WASHC5: variants seen among roughly 807,000 people sequenced by gnomAD.
The protein encoded by WASHC5 is WASH complex subunit strumpellin.
In WASHC5, 101 loss-of-function variants were observed where a neutral mutation model predicts 150.4. The observed-to-expected ratio is 0.67, with a 90% CI of 0.57 to 0.79. The LOEUF is 0.79. WASHC5 is among the 30% of genes least tolerant of loss of function. The pLI is 0.00. For synonymous variants in WASHC5, 467 were observed against 491.2 expected (o/e 0.95, Z 0.65); for missense variants, 1,195 against 1,396.3 (o/e 0.86, Z 2.30).
chr8:125,062,228 T>C (rs1003598864), intron 11 of WASHC5, among the ~76,000 whole-genome samples: 4 of 152,148 alleles, frequency 2.6e-5, no homozygotes, highest in African/African-American at 9.7e-5. Context: ...CTTCAGCAAA[T>C]GATTACATTT....
intron 19 of WASHC5, among the ~76,000 whole-genome samples, chr8:125,048,647 T>A (rs192423686): frequency 1.2e-4 from 19 of 152,310 alleles, no homozygotes; most frequent in Admixed American, 8.5e-4. Context: ...CTCAAGAAGT[T>A]AAGCATAGAA....
chr8:125,031,964 G>A (rs1225968799), intron 27 of WASHC5, among the ~76,000 whole-genome samples: 1 of 152,142 alleles, frequency 6.6e-6, no homozygotes, highest in African/African-American at 2.4e-5. Flanking sequence ...GAACAGGGCT[G>A]CACTTTCTTC....
In WASHC5 at chr8:125,037,336, G is replaced by A; in HGVS notation, c.3085-3C>T. The A allele has an allele frequency of 6.5e-7, 1 of 1,546,030 alleles. No homozygotes were observed. The highest frequency in any genetic ancestry group is 1.1e-5 in the South Asian group (1 of 89,694). On this transcript the variant is annotated splice_region_variant and splice_polypyrimidine_tract_variant and intron_variant, in intron 25 of 28. Transcript: ENST00000318410. ...AAGCGCTTTGTTGTTATGTATATCT[G>A]GAAAGAGAAAGGTAAGAAAAATAGA...
intron 1 of WASHC5, among the ~76,000 whole-genome samples, chr8:125,090,733 C>T (rs1817587587): frequency 6.6e-6 from 1 of 152,204 alleles, no homozygotes; most frequent in Admixed American, 6.5e-5. Flanking sequence ...ACAGTTTACC[C>T]TCTTCAGAGG....
chr8:125,083,087 T>A (rs1441979381), intron 3 of WASHC5, 26 bp downstream of exon 3: 10 of 1,386,548 alleles, frequency 7.2e-6, no homozygotes, highest in Non-Finnish European at 1.0e-5. Context: ...ACTACCAGAA[T>A]AAGCTATTCC....
chr8:125,049,337 T>G (rs2130048789), intron 18 of WASHC5, 152 bp from the exon 19 acceptor site: 1 of 796,290 alleles, frequency 1.3e-6, no homozygotes, highest in African/African-American at 1.7e-5. Context: ...GGCAGGAAGA[T>G]CACTTGAGGT....
At chr8:125,046,942 C>T (rs1816084899) in intron 20 of WASHC5, among the ~76,000 whole-genome samples, 1 of 152,110 alleles carries the variant, frequency 6.6e-6, no homozygotes, top group South Asian at 2.1e-4. Context: ...TTTGGGAGGC[C>T]ACTGATCTGA....
At chr8:125,032,715 A>G (rs1277579575) in intron 26 of WASHC5, 3 of 362,222 alleles carry the variant, frequency 8.3e-6, no homozygotes, top group African/African-American at 6.5e-5. Flanking sequence ...GAGAAAAAAA[A>G]TCACTACAAC....
At chr8:125,069,726 T>C (rs1005111101) in intron 9 of WASHC5, among the ~76,000 whole-genome samples, 5 of 152,128 alleles carry the variant, frequency 3.3e-5, no homozygotes, top group African/African-American at 1.2e-4. Flanking sequence ...TTTTCATGAA[T>C]TTGCCAGAAC....
Position 125,028,628 on chromosome 8 carries a change from G to A in WASHC5, c.3415C>T (p.Pro1139Ser). The change falls in exon 28 of 29, where the codon CCC (proline) becomes TCC (serine). Residue 1139 changes from proline (P) to serine (S), a missense_variant. Around this residue, in one of 3 missense-constraint regions of WASHC5, gnomAD observed 997 missense variants for 1,168.1 expected, o/e 0.85. Coordinates refer to ENST00000318410, the MANE Select transcript of WASHC5 (RefSeq NM_014846.4). ...LEDYVRYTKL[P>S]RRVAEAHVPN... ...TACTATCTATCACTTACCCTCCTGG[G>A]TAGCTTTGTGTACCGAACATAATCC... 2 of 1,607,768 alleles carry A rather than the reference G, an allele frequency of 1.2e-6. No homozygotes were observed. Among genetic ancestry groups the A allele is most frequent in the Non-Finnish European group, 1.7e-6 (2 of 1,174,364 alleles).
chr8:125,070,499 G>A (rs1157419098), intron 9 of WASHC5, among the ~76,000 whole-genome samples: 3 of 152,194 alleles, frequency 2.0e-5, no homozygotes, highest in Admixed American at 6.5e-5. Context: ...AGGGCCGTCA[G>A]GCAGAGTCAC....
chr8:125,067,698 C>T lies in WASHC5; in HGVS notation c.1172G>A (p.Arg391His), dbSNP rs754246927. The T allele has an allele frequency of 4.3e-6, 7 of 1,613,586 alleles. No homozygotes were observed. The highest frequency in any genetic ancestry group is 2.2e-5 in the East Asian group (1 of 44,864). Residue 391 changes from arginine (R) to histidine (H), a missense_variant, in exon 10 of 29, where the codon CGC becomes CAC. Physicochemically the swap from Arg to His is conservative, Grantham distance 29. This residue lies in a region of WASHC5 where 997 missense variants were observed against 1,168.1 expected (regional missense o/e 0.85). Transcript: ENST00000318410. ...ADSACDPNNKRLRQIKDQILT... is the reference protein window; with the variant it reads ...ADSACDPNNKHLRQIKDQILT... The stretch of plus-strand genomic sequence containing the variant: ...AATCTGGTCCTTGATTTGACGAAGG[C>T]GTTTGTTGTTTGGGTCACAGGCTAG...
chr8:125,063,478 T>G lies in WASHC5; in HGVS notation c.1408+44A>C, dbSNP rs748550239. 4 of 1,606,506 alleles carry G rather than the reference T, an allele frequency of 2.5e-6. No homozygotes were observed. In the East Asian group the frequency reaches 6.7e-5, roughly 27 times the overall value. ...AGTTTCCAAGGTTTCAAATAACCTG[T>G]GCACACATTCCAAACACACCAGTAT... On this transcript the variant is annotated intron_variant, in intron 11 of 28. Transcript: ENST00000318410.
rs951991246 is a variant in WASHC5 at position 125,056,673 on chromosome 8, G to A, written c.2016+4C>T. ...AAAAGGCAGAAGTCAGAGGGACACA[G>A]CACCTCGTATCGTGGGCCTAGCTGA... On this transcript the variant is annotated splice_donor_region_variant and intron_variant, in intron 16 of 28. Transcript: ENST00000318410. The A allele has an allele frequency of 3.2e-5, 51 of 1,613,922 alleles. No homozygotes were observed. Among genetic ancestry groups the A allele is most frequent in the African/African-American group, 4.0e-5 (3 of 74,898 alleles).
chr8:125,065,446 T>C (rs777516840), intron 10 of WASHC5, among the ~76,000 whole-genome samples: 10 of 152,102 alleles, frequency 6.6e-5, no homozygotes, highest in Non-Finnish European at 1.2e-4. Flanking sequence ...TCTGTTTCAA[T>C]AGATTCCAGA....
At chr8:125,078,142 G>A (rs139084531) in intron 6 of WASHC5, among the ~76,000 whole-genome samples, 86 of 152,252 alleles carry the variant, frequency 5.6e-4, no homozygotes, top group African/African-American at 2.0e-3. Context: ...TTTATTTGGC[G>A]TTTTTTAAAA....
chr8:125,063,771 A>T (rs1164302847), intron 10 of WASHC5, 120 bp from the exon 11 acceptor site: 1 of 884,276 alleles, frequency 1.1e-6, no homozygotes, highest in Non-Finnish European at 1.8e-6. Context: ...CTATAAATTA[A>T]CATTGACCCT....
chr8:125,048,188 T>C (rs901600524), intron 19 of WASHC5, among the ~76,000 whole-genome samples: 17 of 152,200 alleles, frequency 1.1e-4, no homozygotes, highest in Non-Finnish European at 1.9e-4. Context: ...TGAGTTGACA[T>C]GCATCCATGT....
intron 23 of WASHC5, among the ~76,000 whole-genome samples, chr8:125,043,417 A>G (rs144553075): frequency 6.6e-6 from 1 of 152,364 alleles, no homozygotes; most frequent in Non-Finnish European, 1.5e-5. Flanking sequence ...GCTTCCTAAC[A>G]TCTATGCAGA....
Sources: gnomAD v4.1 joint callset for allele counts (sites outside exome capture counted in the v4.1 genomes callset) on GRCh38, gnomAD v4.1.1 for gene constraint, gnomAD v4.1.1 regional missense constraint, MANE v1.5 for transcripts, NCBI Gene and HGNC (gene_info 2026-07-23, HGNC 2026-07-21) for gene names.